RNLS: variants seen among roughly 807,000 people sequenced by gnomAD.
RNLS encodes the protein renalase, FAD dependent amine oxidase.
In RNLS, 39 loss-of-function variants were observed where a neutral mutation model predicts 39.8. The ratio of observed to expected loss-of-function variants is 0.98; its 90% confidence interval spans 0.76 to 1.28. RNLS has a LOEUF of 1.28. Among genes scored for constraint, RNLS ranks in the 50% most tolerant of loss-of-function variants. RNLS has a pLI of 0.00. For missense variants in RNLS, 410 were observed against 413.3 expected, an observed-to-expected ratio of 0.99 and a Z score of 0.07; for synonymous variants, 147 against 150.7, an observed-to-expected ratio of 0.98 and a Z score of 0.18.
the RNLS span, among the ~76,000 whole-genome samples, chr10:88,262,787 C>T: frequency 6.6e-6 from 1 of 152,170 alleles, no homozygotes; most frequent in African/African-American, 2.4e-5. Context: ...TGTTCTTGCA[C>T]TATTCAGAGG....
intron 4 of RNLS, among the ~76,000 whole-genome samples, chr10:88,436,557 G>A (rs548844898): frequency 1.3e-5 from 2 of 152,218 alleles, no homozygotes; most frequent in South Asian, 4.1e-4. Context: ...TATATTGGGA[G>A]CAATGAAATT....
the RNLS span, among the ~76,000 whole-genome samples, chr10:88,239,039 T>C: frequency 1.3e-5 from 2 of 152,124 alleles, no homozygotes; most frequent in Non-Finnish European, 2.9e-5. Flanking sequence ...ATAGCTCTCA[T>C]CCTTGTCTCC....
intron 5 of RNLS, among the ~76,000 whole-genome samples, chr10:88,351,132 C>T (rs913222543): frequency 6.6e-6 from 1 of 152,058 alleles, no homozygotes; most frequent in Admixed American, 6.6e-5. Context: ...GATATTAGTC[C>T]TTTGTCAGAT....
At chr10:88,258,891 T>C in the RNLS span, among the ~76,000 whole-genome samples, 12 of 152,356 alleles carry the variant, frequency 7.9e-5, no homozygotes, top group East Asian at 1.9e-4. Flanking sequence ...GCTGCTGTGA[T>C]TGTGAAAATG....
rs1845610487 is a variant in RNLS, at chr10:88,314,503, G to A, written c.839C>T (p.Pro280Leu). 3 of 1,613,930 alleles carry A rather than the reference G, an allele frequency of 1.9e-6. No individual in the cohort carries two copies. Among genetic ancestry groups the A allele is most frequent in the Non-Finnish European group, 2.5e-6 (3 of 1,179,866 alleles). ...LENILPGLPQ[P>L]IATKCQKWRH... ...CCATTTTTGGCATTTGGTAGCAATT[G>A]GCTGAGGCAAACCCGGCAAAATGTT... The change falls in exon 6 of 7, where the codon CCA becomes CTA. Residue 280 changes from proline to leucine, a missense_variant. Pro to Leu is a moderately conservative substitution (Grantham distance 98, BLOSUM62 -3). Coordinates refer to ENST00000331772, the MANE Select transcript of RNLS (RefSeq NM_001031709.3).
At chr10:88,269,466 A>G (rs1006755395), downstream of RNLS, among the ~76,000 whole-genome samples, 3 of 152,178 alleles carry the variant, frequency 2.0e-5, no homozygotes, top group Non-Finnish European at 4.4e-5. Flanking sequence ...TGACAGCTAT[A>G]TTAGGCAGGT....
the RNLS span, among the ~76,000 whole-genome samples, chr10:88,204,665 C>T: frequency 2.6e-5 from 4 of 152,088 alleles, no homozygotes; most frequent in South Asian, 4.1e-4. Flanking sequence ...TATCTTCTCC[C>T]CGTACATGAA....
At chr10:88,216,122 G>A in the RNLS span, among the ~76,000 whole-genome samples, 2 of 152,128 alleles carry the variant, frequency 1.3e-5, no homozygotes, top group Non-Finnish European at 2.9e-5. Context: ...TCTCTATATC[G>A]TATCTTTGCA....
intron 5 of RNLS, among the ~76,000 whole-genome samples, chr10:88,346,991 G>C (rs1401375890): frequency 6.6e-6 from 1 of 152,188 alleles, no homozygotes; most frequent in Non-Finnish European, 1.5e-5. Flanking sequence ...GGGAGCTCTA[G>C]GCAAAGGAAT....
chr10:88,368,004 CTAACT>C (rs986457713), intron 4 of RNLS, among the ~76,000 whole-genome samples: 2 of 151,804 alleles, frequency 1.3e-5, no homozygotes, highest in South Asian at 2.1e-4. Flanking sequence ...TTAATATAGC[CTAACT>C]TATTTTTTTC....
At chr10:88,252,102 C>T in the RNLS span, among the ~76,000 whole-genome samples, 1 of 152,182 alleles carries the variant, frequency 6.6e-6, no homozygotes, top group African/African-American at 2.4e-5. Flanking sequence ...TAGCAAACTG[C>T]TGGTGGGTCA....
intron 4 of RNLS, among the ~76,000 whole-genome samples, chr10:88,486,955 C>T (rs1374590828): frequency 6.8e-6 from 1 of 147,352 alleles, no homozygotes; most frequent in African/African-American, 2.5e-5. Context: ...AACATTTAAC[C>T]TAAATGCTCA....
intron 4 of RNLS, among the ~76,000 whole-genome samples, chr10:88,539,414 A>T (rs1847932595): frequency 6.6e-6 from 1 of 152,164 alleles, no homozygotes; most frequent in South Asian, 2.1e-4. Context: ...AGCATTTTAG[A>T]GACAGAATAC....
intron 5 of RNLS, among the ~76,000 whole-genome samples, chr10:88,321,889 G>A (rs895777327): frequency 6.6e-6 from 1 of 152,188 alleles, no homozygotes; most frequent in African/African-American, 2.4e-5. Context: ...CAAAGAAGCT[G>A]GTACCAATCT....
intron 4 of RNLS, among the ~76,000 whole-genome samples, chr10:88,487,822 C>T (rs1488543879): frequency 6.6e-6 from 1 of 152,014 alleles, no homozygotes; most frequent in Non-Finnish European, 1.5e-5. Flanking sequence ...GGGAAATAAT[C>T]CAAATTTTCA....
intron 4 of RNLS, among the ~76,000 whole-genome samples, chr10:88,389,740 C>T (rs551268009): frequency 1.4e-4 from 21 of 152,066 alleles, no homozygotes; most frequent in Non-Finnish European, 2.6e-4. Flanking sequence ...ATACAAATGT[C>T]CAAAAACTAT....
intron 4 of RNLS, among the ~76,000 whole-genome samples, chr10:88,400,385 T>C (rs1852839353): frequency 6.6e-6 from 1 of 151,972 alleles, no homozygotes; most frequent in African/African-American, 2.4e-5. Context: ...TTGAACATAA[T>C]GCAATCTTTT....
At chr10:88,242,944 TCAAAA>T in the RNLS span, among the ~76,000 whole-genome samples, 2 of 118,666 alleles carry the variant, frequency 1.7e-5, no homozygotes, top group South Asian at 2.9e-4. Context: ...CGAAACTCTG[TCAAAA>T]CAAACAAACA....
At position 88,325,417 on chromosome 10, in the gene RNLS, A is replaced by C. The variant is rs182698611; in HGVS notation, c.701-10776T>G. On this transcript the variant is annotated intron_variant, in intron 5 of 6. Coordinates refer to ENST00000331772, the MANE Select transcript of RNLS (RefSeq NM_001031709.3). ...AAGGTCAGGACACCGAATGTTGATA[A>C]AAACAGCAGCAACCCCAGCAGTAGC... is the stretch of plus-strand genomic sequence containing the variant. Among the ~76,000 whole-genome samples, 340 of 152,342 alleles carry C rather than the reference A, an allele frequency of 2.2e-3. 3 individuals are homozygous for C. The highest frequency in any genetic ancestry group is 6.8e-3 in the African/African-American group (283 of 41,582).
Sources: gnomAD v4.1 joint callset for allele counts (sites outside exome capture counted in the v4.1 genomes callset) on GRCh38, gnomAD v4.1.1 for gene constraint, MANE v1.5 for transcripts, NCBI Gene and HGNC (gene_info 2026-07-23, HGNC 2026-07-21) for gene names.